PLAAT3: variants seen among roughly 807,000 people sequenced by gnomAD.
PLAAT3 encodes phospholipase A and acyltransferase 3.
In PLAAT3, 21 loss-of-function variants were observed where a neutral mutation model predicts 16.7. That is an observed-to-expected ratio of 1.26 (90% CI 0.89 to 1.81). The LOEUF is 1.81. PLAAT3 is among the 40% of genes most tolerant of loss of function. The probability of loss-of-function intolerance (pLI) is 0.00; values close to 1 mark genes in which losing one functional copy is unlikely to be tolerated. For missense variants in PLAAT3, 219 were observed against 213.7 expected (o/e 1.02, Z -0.16); for synonymous variants, 76 against 81.7 (o/e 0.93, Z 0.38).
intron 2 of PLAAT3, among the ~76,000 whole-genome samples, chr11:63,613,354 T>C (rs888530962): frequency 6.6e-6 from 1 of 152,044 alleles, no homozygotes; most frequent in African/African-American, 2.4e-5. Context: ...GAGGTCGCAG[T>C]GAGCCGAGAT....
chr11:63,574,873 AC>A lies in PLAAT3; in HGVS notation c.*71del. 1.1e-6 allele frequency: 1 copy of A among 887,050 alleles called. No individual in the cohort carries two copies. The allele number at this position is 887,050 out of a possible 1,614,324, so 54.9% of individuals were successfully genotyped here. A position where few individuals can be genotyped will look rare whatever the true frequency, so the allele number is the denominator to read the frequency against. ...AATCACAATGAAATCCACAAACCAA[AC>A]CCCAAACTCTCTAGCAAAACAAGAC... On this transcript the variant is annotated 3_prime_UTR_variant, in exon 5 of 5. Transcript: ENST00000415826.
chr11:63,613,867 C>G (rs1299804168), intron 2 of PLAAT3, 133 bp downstream of exon 2: 3 of 657,360 alleles, frequency 4.6e-6, no homozygotes, highest in Non-Finnish European at 8.1e-6. Context: ...CGATGCCTCG[C>G]AGCTGACAGA....
At position 63,590,388 on chromosome 11, in the gene PLAAT3, A is replaced by G. The variant is rs1194378432; in HGVS notation, c.119-20T>C. ...CCTCACCTGCAGATCCACAAAGAGG[A>G]AACAGAGGGATTGGTCCTGGGAAGG... On this transcript the variant is annotated intron_variant, in intron 3 of 4. Coordinates refer to ENST00000415826, the MANE Select transcript of PLAAT3 (RefSeq NM_001128203.2). 1 of 1,611,828 alleles carries G rather than the reference A, an allele frequency of 6.2e-7. No individual in the cohort carries two copies. Among genetic ancestry groups the G allele is most frequent in the Non-Finnish European group, 8.5e-7 (1 of 1,179,062 alleles).
At chr11:63,586,003 G>A (rs2134400741) in intron 4 of PLAAT3, among the ~76,000 whole-genome samples, 1 of 152,136 alleles carries the variant, frequency 6.6e-6, no homozygotes, top group African/African-American at 2.4e-5. Flanking sequence ...GGTTGCTAGA[G>A]ACCAAGAGTT....
At chr11:63,593,772 G>A (rs1312430244) in intron 3 of PLAAT3, among the ~76,000 whole-genome samples, 1 of 152,174 alleles carries the variant, frequency 6.6e-6, no homozygotes, top group East Asian at 1.9e-4. Context: ...TAGAGACGGG[G>A]TTTCGCCATG....
chr11:63,601,058 T>A (rs867977689), intron 2 of PLAAT3, among the ~76,000 whole-genome samples: 2,206 of 146,578 alleles, frequency 0.015, 40 homozygotes, highest in African/African-American at 0.051. Flanking sequence ...AAAAAAAATT[T>A]TTTTTTTTTT....
At chr11:63,602,118 C>T (rs1479734208) in intron 2 of PLAAT3, among the ~76,000 whole-genome samples, 1 of 151,678 alleles carries the variant, frequency 6.6e-6, no homozygotes, top group African/African-American at 2.4e-5. Context: ...TGAAACCCCC[C>T]GTCTCTACTA....
At chr11:63,590,443 C>A in intron 3 of PLAAT3, 75 bp from the exon 4 acceptor site, 2 of 1,372,262 alleles carry the variant, frequency 1.5e-6, no homozygotes, top group South Asian at 2.5e-5. Flanking sequence ...GGCCCCCAGC[C>A]GGGCATCTGC....
upstream of PLAAT3, chr11:63,616,246 T>C (rs592416): frequency 0.94 from 142,072 of 151,814 alleles, 67,196 homozygotes; most frequent in East Asian, 1. Flanking sequence ...AACATCTCCC[T>C]GACACCCCCC....
At chr11:63,594,211 A>C (rs1242065044) in intron 3 of PLAAT3, among the ~76,000 whole-genome samples, 1 of 152,194 alleles carries the variant, frequency 6.6e-6, no homozygotes, top group Non-Finnish European at 1.5e-5. Context: ...CCAGGTAGAC[A>C]CCCAAGTGGA....
intron 2 of PLAAT3, among the ~76,000 whole-genome samples, chr11:63,609,045 C>G (rs1444050027): frequency 6.6e-6 from 1 of 152,278 alleles, no homozygotes; most frequent in East Asian, 1.9e-4. Context: ...CCACCGTTCC[C>G]CAGGATGTTG....
intron 2 of PLAAT3, among the ~76,000 whole-genome samples, chr11:63,609,803 C>T (rs1938650306): frequency 6.6e-6 from 1 of 152,142 alleles, no homozygotes; most frequent in African/African-American, 2.4e-5. Flanking sequence ...AGGTCATAAA[C>T]ATCCTGGAAA....
intron 2 of PLAAT3, among the ~76,000 whole-genome samples, chr11:63,601,980 C>CA (rs71468636): frequency 0.22 from 22,296 of 99,122 alleles, 4,064 homozygotes; most frequent in African/African-American, 0.48. Flanking sequence ...AACTCTGTCT[C>CA]AAAAAAAAAA....
intron 4 of PLAAT3, among the ~76,000 whole-genome samples, chr11:63,586,972 C>G (rs1224029612): frequency 6.6e-6 from 1 of 152,100 alleles, no homozygotes; most frequent in Non-Finnish European, 1.5e-5. Flanking sequence ...TATTCCCAGC[C>G]ACTCTGGAGG....
Position 63,598,162 on chromosome 11 carries a change from G to T in PLAAT3, c.17C>A (p.Pro6Gln). Residue 6 changes from proline (P) to glutamine (Q), a missense_variant and splice_region_variant, in exon 3 of 5, where the codon CCA becomes CAA. Transcript: ENST00000415826. MRAPI[P>Q]EPKPGDLIEI... is the part of the protein sequence containing the mutation. ...AATCAGGTCTCCAGGCTTAGGCTCT[G>T]GCTGCAAAACCAAGAACAGGGCTGT... The T allele has an allele frequency of 3.7e-6, 6 of 1,611,850 alleles. No individual in the cohort carries two copies. Among genetic ancestry groups the T allele is most frequent in the Non-Finnish European group, 5.1e-6 (6 of 1,177,940 alleles).
At chr11:63,609,616 C>A (rs1763889916) in intron 2 of PLAAT3, among the ~76,000 whole-genome samples, 2 of 152,202 alleles carry the variant, frequency 1.3e-5, no homozygotes, top group South Asian at 4.1e-4. Flanking sequence ...GAGAAGGAGG[C>A]CTGGCTGCCC....
Position 63,574,962 on chromosome 11 carries a change from T to C in PLAAT3, c.472A>G (p.Lys158Glu). Residue 158 changes from lysine (K) to glutamate (E), a missense_variant, in exon 5 of 5, where the codon AAG becomes GAG. Coordinates refer to ENST00000415826, the MANE Select transcript of PLAAT3 (RefSeq NM_001128203.2). ...SLIGVMFSRN[K>E]RQKQ ...TTTTTCAGTTATTGCTTTTGTCGCT[T>C]GTTTCTTGAGAACATGACTCCAATA... 6.2e-7 allele frequency: 1 copy of C among 1,608,986 alleles called. No homozygotes were observed. Among genetic ancestry groups the C allele is most frequent in the Non-Finnish European group, 8.5e-7 (1 of 1,175,214 alleles).
intron 4 of PLAAT3, among the ~76,000 whole-genome samples, chr11:63,580,869 C>T (rs956420617): frequency 3.9e-5 from 6 of 152,156 alleles, no homozygotes; most frequent in Non-Finnish European, 7.3e-5. Flanking sequence ...GGACCCCAAA[C>T]GGAGGACCAG....
Position 63,590,184 on chromosome 11 carries a change from C to T in PLAAT3, c.303G>A (p.Gly101=). ...TGGTCAGCTTGTAGAGCACCTCCTGCCCCACCAGCTCCTCCGCCCGCTGGA... is the reference window on the plus strand; with the variant it reads ...TGGTCAGCTTGTAGAGCACCTCCTGTCCCACCAGCTCCTCCGCCCGCTGGA... The part of the protein sequence containing the change: ...KIIQRAEELV[G]QEVLYKLTSE... The change falls in exon 4 of 5, where the codon GGG becomes GGA. Residue 101 remains glycine (G), a synonymous_variant. Transcript: ENST00000415826. 6.2e-7 allele frequency: 1 copy of T among 1,614,196 alleles called. No individual in the cohort carries two copies. The highest frequency in any genetic ancestry group is 8.5e-7 in the Non-Finnish European group (1 of 1,179,982).
Sources: allele counts gnomAD v4.1 joint callset (sites outside exome capture counted in the v4.1 genomes callset), GRCh38; gene constraint gnomAD v4.1.1; transcripts MANE v1.5; gene names NCBI Gene and HGNC (gene_info 2026-07-23, HGNC 2026-07-21).